The following SKAP1 variants were observed in gnomAD, a reference collection of about 807,000 sequenced individuals.
SKAP1 encodes the protein src kinase associated phosphoprotein 1, also known as src kinase-associated phosphoprotein 1.
A neutral mutation model predicts 58.5 loss-of-function variants in SKAP1; 44 were observed. That is an observed-to-expected ratio of 0.75 (90% CI 0.59 to 0.97). The LOEUF (loss-of-function observed/expected upper bound fraction) is 0.97. SKAP1 is among the 50% of genes least tolerant of loss of function. The probability of loss-of-function intolerance (pLI) is 0.00; values close to 1 mark genes in which losing one functional copy is unlikely to be tolerated. For missense variants in SKAP1, 390 were observed against 435.2 expected, an observed-to-expected ratio of 0.90 and a Z score of 0.92; for synonymous variants, 127 against 149.7, an observed-to-expected ratio of 0.85 and a Z score of 1.11.
intron 11 of SKAP1, among the ~76,000 whole-genome samples, chr17:48,144,958 ACT>A (rs1430137048): frequency 6.6e-6 from 1 of 152,072 alleles, no homozygotes; most frequent in African/African-American, 2.4e-5. Context: ...CTATTCCATA[ACT>A]CTACATATAT....
intron 1 of SKAP1, among the ~76,000 whole-genome samples, chr17:48,408,601 T>C (rs938773458): frequency 1.3e-5 from 2 of 152,214 alleles, no homozygotes; most frequent in African/African-American, 2.4e-5. Context: ...GTAAAGCTTA[T>C]ATTGGGAATG....
At chr17:48,191,715 A>G (rs1567813848) in intron 4 of SKAP1, among the ~76,000 whole-genome samples, 1 of 152,190 alleles carries the variant, frequency 6.6e-6, no homozygotes, top group Non-Finnish European at 1.5e-5. Context: ...AAGTGTGTCT[A>G]TGTGCCTGAT....
upstream of SKAP1, among the ~76,000 whole-genome samples, chr17:48,434,037 C>T (rs142984647): frequency 0.022 from 3,290 of 152,354 alleles, 135 homozygotes; most frequent in Admixed American, 0.11. Context: ...CTGCAGAGGG[C>T]AGGCTCTGAG....
chr17:48,145,485 T>C (rs2063821228), intron 11 of SKAP1, among the ~76,000 whole-genome samples: 1 of 151,922 alleles, frequency 6.6e-6, no homozygotes. Flanking sequence ...AAAAGCAGTA[T>C]GGCCACCAAC....
chr17:48,214,615 CT>C (rs36055537), intron 4 of SKAP1, among the ~76,000 whole-genome samples: 216 of 144,670 alleles, frequency 1.5e-3, no homozygotes, highest in African/African-American at 4.8e-3. Context: ...TCTCCAGTTC[CT>C]TTTTTTTTTT....
chr17:48,339,905 G>A (rs758078450), intron 4 of SKAP1, among the ~76,000 whole-genome samples: 23 of 152,016 alleles, frequency 1.5e-4, no homozygotes, highest in Non-Finnish European at 2.8e-4. Flanking sequence ...ACCAGTGGCC[G>A]GGCGCGGTGG....
At chr17:48,280,454 T>G (rs1217369414) in intron 4 of SKAP1, among the ~76,000 whole-genome samples, 2 of 151,508 alleles carry the variant, frequency 1.3e-5, no homozygotes, top group Non-Finnish European at 3.0e-5. Context: ...CAGGCTGCAC[T>G]CCAGCCTGGG....
chr17:48,142,428 C>T (rs939826600), intron 11 of SKAP1, among the ~76,000 whole-genome samples: 1 of 152,176 alleles, frequency 6.6e-6, no homozygotes, highest in African/African-American at 2.4e-5. Flanking sequence ...TGCCATTGCA[C>T]TCCAGCCTGG....
At chr17:48,276,512 T>C (rs1010611253) in intron 4 of SKAP1, among the ~76,000 whole-genome samples, 2 of 152,236 alleles carry the variant, frequency 1.3e-5, no homozygotes, top group Admixed American at 6.5e-5. Flanking sequence ...CTTCACAGTC[T>C]GCATCAGTAA....
At chr17:48,272,256 C>A (rs1382667140) in intron 4 of SKAP1, among the ~76,000 whole-genome samples, 1 of 151,750 alleles carries the variant, frequency 6.6e-6, no homozygotes, top group Non-Finnish European at 1.5e-5. Context: ...CTCAGCCTCC[C>A]GAGTAGCTGG....
At chr17:48,223,186 TTCTAAAAAC>T (rs2065025811) in intron 4 of SKAP1, among the ~76,000 whole-genome samples, 1 of 152,022 alleles carries the variant, frequency 6.6e-6, no homozygotes. Flanking sequence ...GATGCTGGCA[TTCTAAAAAC>T]TGCTGATTCT....
chr17:48,406,401 T>A (rs912163307), intron 1 of SKAP1, among the ~76,000 whole-genome samples: 3 of 150,846 alleles, frequency 2.0e-5, no homozygotes, highest in African/African-American at 4.9e-5. Flanking sequence ...AAATTAGAAA[T>A]TTTTTTTTCT....
intron 4 of SKAP1, among the ~76,000 whole-genome samples, chr17:48,285,184 G>A (rs1301531280): frequency 2.0e-5 from 3 of 152,184 alleles, no homozygotes; most frequent in Non-Finnish European, 2.9e-5. Flanking sequence ...TATGAGAAAT[G>A]AGGCATTTAG....
upstream of SKAP1, among the ~76,000 whole-genome samples, chr17:48,431,074 T>A (rs1284585395): frequency 6.6e-6 from 1 of 152,190 alleles, no homozygotes; most frequent in Non-Finnish European, 1.5e-5. Flanking sequence ...AGAGGTTTTT[T>A]AAGTACAATA....
intron 4 of SKAP1, among the ~76,000 whole-genome samples, chr17:48,319,128 GT>G (rs1462255845): frequency 6.6e-6 from 1 of 152,172 alleles, no homozygotes. Flanking sequence ...TTGATCAGGA[GT>G]ATGAAACTGG....
intron 4 of SKAP1, among the ~76,000 whole-genome samples, chr17:48,256,937 A>G (rs1301976205): frequency 3.6e-4 from 54 of 152,064 alleles, no homozygotes; most frequent in Non-Finnish European, 2.9e-5. Flanking sequence ...TTGTGATTTT[A>G]GAAGGATGCA....
intron 4 of SKAP1, among the ~76,000 whole-genome samples, chr17:48,312,756 T>G (rs2066238690): frequency 6.6e-6 from 1 of 152,136 alleles, no homozygotes; most frequent in African/African-American, 2.4e-5. Flanking sequence ...CCAAACAACT[T>G]TCTTAGCTGT....
At chr17:48,336,986 G>A (rs4132677) in intron 4 of SKAP1, among the ~76,000 whole-genome samples, 14,053 of 152,192 alleles carry the variant, frequency 0.092, 995 homozygotes, top group African/African-American at 0.17. Flanking sequence ...AGATTATTCT[G>A]TGAAAATATA....
At chr17:48,389,278 T>C (rs1471152539) in intron 2 of SKAP1, among the ~76,000 whole-genome samples, 1 of 152,220 alleles carries the variant, frequency 6.6e-6, no homozygotes, top group East Asian at 1.9e-4. Flanking sequence ...ATAGCACCTC[T>C]TTTATGAGCT....
Sources: allele counts gnomAD v4.1 joint callset (sites outside exome capture counted in the v4.1 genomes callset), GRCh38; gene constraint gnomAD v4.1.1; transcripts MANE v1.5; gene names NCBI Gene and HGNC (gene_info 2026-07-23, HGNC 2026-07-21).